The following C3orf70 variants were observed in gnomAD, a reference collection of about 807,000 sequenced individuals.
C3orf70 encodes UPF0524 protein C3orf70.
A neutral mutation model predicts 20.7 loss-of-function variants in C3orf70; 15 were observed. That is an observed-to-expected ratio of 0.72 (90% confidence interval 0.48 to 1.11). The LOEUF (loss-of-function observed/expected upper bound fraction) is 1.11. C3orf70 is among the 50% of genes most tolerant of loss of function. The pLI, the probability that C3orf70 is intolerant of heterozygous loss-of-function variation, is 0.00. For synonymous variants in C3orf70, 161 were observed against 125.7 expected, an observed-to-expected ratio of 1.28 and a Z score of -1.88; for missense variants, 332 against 317.6, an observed-to-expected ratio of 1.05 and a Z score of -0.34.
At chr3:185,141,789 A>G (rs1297854561) in intron 1 of C3orf70, among the ~76,000 whole-genome samples, 3 of 143,048 alleles carry the variant, frequency 2.1e-5, no homozygotes, top group Admixed American at 7.3e-5. Context: ...TGCAGTGGGG[A>G]AATGCAAAGG....
intron 1 of C3orf70, among the ~76,000 whole-genome samples, chr3:185,140,267 G>T (rs1041711296): frequency 6.6e-6 from 1 of 152,078 alleles, no homozygotes; most frequent in Admixed American, 6.6e-5. Flanking sequence ...ATAAAGGTGG[G>T]GGAAGCCTCT....
At chr3:185,114,286 A>T (rs775992065) in intron 1 of C3orf70, among the ~76,000 whole-genome samples, 1 of 152,128 alleles carries the variant, frequency 6.6e-6, no homozygotes, top group Non-Finnish European at 1.5e-5. Flanking sequence ...ATATGTTGAG[A>T]AATATTCAGA....
At position 185,079,958 on chromosome 3, in the gene C3orf70, G is replaced by A. The variant is rs1357090865; in HGVS notation, c.*3049C>T. 6.6e-6 allele frequency: 1 copy of A among 152,630 alleles called. No individual in the cohort carries two copies. The highest frequency in any genetic ancestry group is 2.4e-5 in the African/African-American group (1 of 41,432). The allele number at this position is 152,630 out of a possible 1,614,324, so 9.5% of individuals were successfully genotyped here. On this transcript the variant is annotated 3_prime_UTR_variant, in exon 2 of 2. Coordinates refer to ENST00000335012, the MANE Select transcript of C3orf70 (RefSeq NM_001025266.3). Reference sequence around the variant, plus strand: ...CACAAATTAGCAACATAGTATCAGCGTTACAGAGAATTCCTTCACATAATA... The same window carrying A: ...CACAAATTAGCAACATAGTATCAGCATTACAGAGAATTCCTTCACATAATA...
chr3:185,149,441 G>T (rs1716945449), intron 1 of C3orf70, among the ~76,000 whole-genome samples: 1 of 149,272 alleles, frequency 6.7e-6, no homozygotes, highest in Non-Finnish European at 1.5e-5. Flanking sequence ...TGTGTCCTTA[G>T]ACTCTGCATA....
At chr3:185,144,013 C>A (rs1296440149) in intron 1 of C3orf70, among the ~76,000 whole-genome samples, 1 of 149,264 alleles carries the variant, frequency 6.7e-6, no homozygotes, top group Non-Finnish European at 1.5e-5. Context: ...CACACACACT[C>A]AACACATAGG....
At chr3:185,092,164 T>G (rs1254041564) in intron 1 of C3orf70, among the ~76,000 whole-genome samples, 9 of 151,714 alleles carry the variant, frequency 5.9e-5, no homozygotes. Flanking sequence ...TGATTAATGA[T>G]ATCTACTTCA....
chr3:185,084,965 G>T (rs1268625397), intron 1 of C3orf70, among the ~76,000 whole-genome samples: 1 of 152,086 alleles, frequency 6.6e-6, no homozygotes, highest in Non-Finnish European at 1.5e-5. Flanking sequence ...TTTAACCTTA[G>T]CACTACCTGC....
At chr3:185,146,034 A>G (rs968313601) in intron 1 of C3orf70, among the ~76,000 whole-genome samples, 8 of 152,058 alleles carry the variant, frequency 5.3e-5, no homozygotes, top group Admixed American at 1.3e-4. Flanking sequence ...TATCTCTGGA[A>G]GAACCTATCA....
In C3orf70 at chr3:185,082,982, A is replaced by C. The variant is rs1349466207; in HGVS notation, c.*25T>G. On this transcript the variant is annotated 3_prime_UTR_variant, in exon 2 of 2. Transcript: ENST00000335012. ...GGTACAAAAGCTCGGCGTGGGTCCG[A>C]GGCTGTGGCTTCCTGTCTGGACTCT... The C allele has an allele frequency of 6.2e-7, 1 of 1,602,510 alleles. No homozygotes were observed.
intron 1 of C3orf70, among the ~76,000 whole-genome samples, chr3:185,103,103 G>A (rs941160513): frequency 6.6e-6 from 1 of 152,066 alleles, no homozygotes; most frequent in African/African-American, 2.4e-5. Context: ...AAATTAGCCA[G>A]GCGTGGTGGC....
chr3:185,147,677 AGC>A (rs1474115931), intron 1 of C3orf70, among the ~76,000 whole-genome samples: 2 of 152,224 alleles, frequency 1.3e-5, no homozygotes, highest in Non-Finnish European at 2.9e-5. Context: ...TTAAGTGCTC[AGC>A]ATAATAAGCT....
intron 1 of C3orf70, among the ~76,000 whole-genome samples, chr3:185,086,034 G>A (rs978231371): frequency 1.3e-5 from 2 of 152,208 alleles, no homozygotes; most frequent in Non-Finnish European, 2.9e-5. Context: ...TAAGTAACCT[G>A]TGGTTTAGTT....
At chr3:185,090,175 G>A (rs1715536751) in intron 1 of C3orf70, among the ~76,000 whole-genome samples, 1 of 152,084 alleles carries the variant, frequency 6.6e-6, no homozygotes, top group Admixed American at 6.5e-5. Context: ...CTTAACTTCA[G>A]CTAACATTGC....
chr3:185,101,262 CAT>C (rs1561338286), intron 1 of C3orf70, among the ~76,000 whole-genome samples: 1 of 152,184 alleles, frequency 6.6e-6, no homozygotes, highest in Non-Finnish European at 1.5e-5. Flanking sequence ...CCTTGATGAA[CAT>C]CAATGCAAAA....
At chr3:185,130,590 C>T (rs1016496974) in intron 1 of C3orf70, among the ~76,000 whole-genome samples, 2 of 152,170 alleles carry the variant, frequency 1.3e-5, no homozygotes, top group African/African-American at 4.8e-5. Context: ...CAAAAAGAAA[C>T]CTCTTGGCCA....
chr3:185,115,061 G>C (rs1049671364), intron 1 of C3orf70, among the ~76,000 whole-genome samples: 1 of 152,102 alleles, frequency 6.6e-6, no homozygotes, highest in African/African-American at 2.4e-5. Context: ...AATCCTCTAA[G>C]GGGTATTTTA....
At chr3:185,141,801 AACACACAC>A (rs66562532) in intron 1 of C3orf70, among the ~76,000 whole-genome samples, 49 of 146,460 alleles carry the variant, frequency 3.3e-4, no homozygotes, top group East Asian at 2.6e-3. Flanking sequence ...ATGCAAAGGA[AACACACAC>A]ACACACACAC....
At chr3:185,129,111 A>C (rs1716476976) in intron 1 of C3orf70, among the ~76,000 whole-genome samples, 2 of 152,190 alleles carry the variant, frequency 1.3e-5, no homozygotes, top group Admixed American at 6.5e-5. Context: ...ACTTTTTAAA[A>C]TTACAGTTTT....
intron 1 of C3orf70, among the ~76,000 whole-genome samples, chr3:185,127,788 C>T (rs1716444095): frequency 6.6e-6 from 1 of 151,926 alleles, no homozygotes; most frequent in Non-Finnish European, 1.5e-5. Context: ...TCAAAAAGAG[C>T]AAATCCATAT....
Sources: allele counts gnomAD v4.1 joint callset (sites outside exome capture counted in the v4.1 genomes callset), GRCh38; gene constraint gnomAD v4.1.1; transcripts MANE v1.5; gene names NCBI Gene and HGNC (gene_info 2026-07-23, HGNC 2026-07-21).